The following ZNF331 variants were observed in gnomAD, a reference collection of about 807,000 sequenced individuals.
ZNF331 encodes the protein zinc finger protein 331.
In ZNF331, 2 loss-of-function variants were observed where a neutral mutation model predicts 7.0. That is an observed-to-expected ratio of 0.29 (90% CI 0.12 to 0.90). ZNF331 has a LOEUF of 0.90. Among genes scored for constraint, ZNF331 ranks in the 40% least tolerant of loss-of-function variants. The pLI is 0.58. For synonymous variants in ZNF331, 196 were observed against 205.4 expected (o/e 0.95, Z 0.39); for missense variants, 432 against 587.7 (o/e 0.74, Z 2.74).
intron 3 of ZNF331, among the ~76,000 whole-genome samples, chr19:53,561,682 AT>A (rs2089894638): frequency 6.6e-6 from 1 of 152,110 alleles, no homozygotes; most frequent in African/African-American, 2.4e-5. Flanking sequence ...GTGAGACCTC[AT>A]CTCTCCAAAA....
chr19:53,575,567 G>A (rs540645378), intron 5 of ZNF331, among the ~76,000 whole-genome samples: 7 of 125,262 alleles, frequency 5.6e-5, no homozygotes, highest in East Asian at 2.9e-4. Context: ...TCCACCTCCC[G>A]GGTTCAAGCG....
intron 5 of ZNF331, among the ~76,000 whole-genome samples, chr19:53,576,203 C>A (rs922933265): frequency 6.6e-6 from 1 of 152,058 alleles, no homozygotes; most frequent in Non-Finnish European, 1.5e-5. Flanking sequence ...AAGCTGGTCT[C>A]GGACTCCCGA....
chr19:53,569,946 A>G (rs1388699237), intron 4 of ZNF331, among the ~76,000 whole-genome samples: 1 of 151,962 alleles, frequency 6.6e-6, no homozygotes, highest in East Asian at 1.9e-4. Flanking sequence ...GTCATCTGAC[A>G]TCCTTATCCT....
At chr19:53,559,967 C>G (rs780416149) in intron 3 of ZNF331, among the ~76,000 whole-genome samples, 71 of 149,398 alleles carry the variant, frequency 4.8e-4, no homozygotes, top group Non-Finnish European at 9.2e-4. Flanking sequence ...CATATACACC[C>G]CGTACACATA....
chr19:53,569,993 C>A (rs1194644395), intron 4 of ZNF331, among the ~76,000 whole-genome samples: 1 of 152,088 alleles, frequency 6.6e-6, no homozygotes, highest in African/African-American at 2.4e-5. Context: ...TGGTGGCTCA[C>A]ACCTGTAATC....
chr19:53,552,466 C>T (rs2089070957), intron 2 of ZNF331, among the ~76,000 whole-genome samples: 1 of 152,024 alleles, frequency 6.6e-6, no homozygotes, highest in African/African-American at 2.4e-5. Context: ...TGCTTGTAAT[C>T]CCAGCACTTT....
intron 3 of ZNF331, among the ~76,000 whole-genome samples, chr19:53,567,792 G>C (rs1420006342): frequency 6.6e-6 from 1 of 151,612 alleles, no homozygotes; most frequent in East Asian, 1.9e-4. Context: ...GCAGTGAGCT[G>C]AGATTGTACC....
chr19:53,519,275 A>AT (rs2086981902), upstream of ZNF331, among the ~76,000 whole-genome samples: 1 of 152,092 alleles, frequency 6.6e-6, no homozygotes, highest in South Asian at 2.1e-4. Context: ...AACAGCATAT[A>AT]TTTTTTAGGG....
chr19:53,553,342 G>A (rs1334228549), intron 2 of ZNF331, among the ~76,000 whole-genome samples: 2 of 151,762 alleles, frequency 1.3e-5, no homozygotes, highest in Admixed American at 6.6e-5. Context: ...AACATCAATG[G>A]ATGATGTCAT....
intron 2 of ZNF331, chr19:53,523,260 C>G (rs2087160017): frequency 6.6e-6 from 1 of 151,834 alleles, no homozygotes; most frequent in African/African-American, 2.4e-5. Context: ...CCCTTGTCCC[C>G]CAGGCTGGAG....
intron 2 of ZNF331, among the ~76,000 whole-genome samples, chr19:53,546,140 G>GGAAAAAAAAAAAAAAAA (rs551214509): frequency 8.8e-6 from 1 of 113,510 alleles, no homozygotes; most frequent in Middle Eastern, 5.6e-3. Flanking sequence ...TCCTGAGGGG[G>GGAAAAAAAAAAAAAAAA]AAAAAAAAAA....
chr19:53,555,186 C>T (rs1401038461), intron 2 of ZNF331: 1 of 147,060 alleles, frequency 6.8e-6, no homozygotes, highest in Admixed American at 6.8e-5. Context: ...TTCTGGGTGA[C>T]GCAGGTGTGT....
chr19:53,541,699 C>G (rs1055645592), intron 2 of ZNF331, among the ~76,000 whole-genome samples: 1 of 152,118 alleles, frequency 6.6e-6, no homozygotes, highest in Non-Finnish European at 1.5e-5. Flanking sequence ...GAAGAATCTC[C>G]AAATTACCCA....
intron 3 of ZNF331, among the ~76,000 whole-genome samples, chr19:53,559,296 T>C (rs1403566431): frequency 2.1e-5 from 3 of 145,670 alleles, no homozygotes; most frequent in Non-Finnish European, 4.5e-5. Context: ...ATACCATACG[T>C]ATACAAACAC....
At chr19:53,536,827 C>G (rs1435714410), upstream of ZNF331, among the ~76,000 whole-genome samples, 1 of 152,166 alleles carries the variant, frequency 6.6e-6, no homozygotes, top group Non-Finnish European at 1.5e-5. Context: ...CCCTTGAACC[C>G]AGGAGGCGGA....
In ZNF331 at chr19:53,539,716, C is replaced by T. The variant is rs938471404; in HGVS notation, c.-138+434C>T. ...TATCAGTGTTAGTGTATCTGTCCCC[C>T]ACCACCACCACCCTAAGGAGATACT... On this transcript the variant is annotated intron_variant, in intron 2 of 5. Coordinates refer to ENST00000449416, the MANE Select transcript of ZNF331 (RefSeq NM_001079906.2). The surrounding 1 kb of genome is among the most constrained non-coding windows in gnomAD (Gnocchi z 6.1). 4.6e-5 allele frequency among the ~76,000 whole-genome samples: 7 copies of T among 152,144 alleles called. No individual in the cohort carries two copies. The highest frequency in any genetic ancestry group is 7.2e-5 in the African/African-American group (3 of 41,432).
chr19:53,506,478 CTCTGTCTG>C, the ZNF331 span, among the ~76,000 whole-genome samples: 4 of 133,334 alleles, frequency 3.0e-5, no homozygotes, highest in Middle Eastern at 3.8e-3. Context: ...CTCTCTCTCT[CTCTGTCTG>C]TCTCTCTCTC....
rs1328342196 is a variant in ZNF331 at position 53,548,576 on chromosome 19, C to T, written c.-137-7269C>T. On this transcript the variant is annotated intron_variant, in intron 2 of 5. Coordinates refer to ENST00000449416, the MANE Select transcript of ZNF331 (RefSeq NM_001079906.2). Reference sequence around the variant, plus strand: ...CAAGCCCTATTTTGGATATTAACCCCTTATCAGATATATGGTTTGAAATAG... The same window carrying T: ...CAAGCCCTATTTTGGATATTAACCCTTTATCAGATATATGGTTTGAAATAG... Among the ~76,000 whole-genome samples, 4 of 152,182 alleles carry T rather than the reference C, an allele frequency of 2.6e-5. No homozygotes were observed. The East Asian group carries it at 7.7e-4, about 29-fold the overall frequency.
At chr19:53,535,199 G>T (rs2087699759), upstream of ZNF331, among the ~76,000 whole-genome samples, 1 of 150,042 alleles carries the variant, frequency 6.7e-6, no homozygotes, top group East Asian at 1.9e-4. Context: ...GGGTTCAAGA[G>T]ATCTGCCTCA....
Sources: gnomAD v4.1 joint callset for allele counts (sites outside exome capture counted in the v4.1 genomes callset) on GRCh38, gnomAD v4.1.1 for gene constraint, Gnocchi (gnomAD v3.1) non-coding constraint, MANE v1.5 for transcripts, NCBI Gene and HGNC (gene_info 2026-07-23, HGNC 2026-07-21) for gene names.